Variants in UBE2L3 observed in about 807,000 individuals in gnomAD.
UBE2L3 encodes ubiquitin-conjugating enzyme E2 L3.
In UBE2L3, 1 loss-of-function variant was observed where a neutral mutation model predicts 17.8. The observed-to-expected ratio is 0.06, with a 90% CI of 0.02 to 0.27. The LOEUF (loss-of-function observed/expected upper bound fraction) is 0.27. Among genes scored for constraint, UBE2L3 ranks in the 10% least tolerant of loss-of-function variants. The probability of loss-of-function intolerance (pLI) is 1.00; values close to 1 mark genes in which losing one functional copy is unlikely to be tolerated. For missense variants in UBE2L3, 40 were observed against 192.6 expected, an observed-to-expected ratio of 0.21 and a Z score of 4.69; for synonymous variants, 44 against 68.5, an observed-to-expected ratio of 0.64 and a Z score of 1.76.
At chr22:21,593,037 T>C in intron 2 of UBE2L3, 81 bp downstream of exon 2, 1 of 1,242,420 alleles carries the variant, frequency 8.0e-7, no homozygotes, top group Non-Finnish European at 1.2e-6. Flanking sequence ...TTTCTGCTCC[T>C]TAGTAGGCTC....
At chr22:21,564,477 A>C (rs1333354731), upstream of UBE2L3, among the ~76,000 whole-genome samples, 1 of 152,176 alleles carries the variant, frequency 6.6e-6, no homozygotes, top group Non-Finnish European at 1.5e-5. Context: ...GAGGGACCCC[A>C]AAGGCCAGGC....
rs531097568 is a variant in UBE2L3, at chr22:21,572,588, G to A, written c.27+4817G>A. On this transcript the variant is annotated intron_variant, in intron 1 of 3. Transcript: ENST00000342192. Reference sequence around the variant, plus strand: ...CTCATTTTATTGGAACATTTATTACGTTTAAGATATTTCTATATTCTTTGC... The same window carrying A: ...CTCATTTTATTGGAACATTTATTACATTTAAGATATTTCTATATTCTTTGC... Among the ~76,000 whole-genome samples the A allele has an allele frequency of 4.6e-5, 7 of 152,162 alleles. No individual in the cohort carries two copies. The South Asian group carries it at 1.5e-3, about 32-fold the overall frequency.
In UBE2L3 at chr22:21,567,767, T is replaced by C; in HGVS notation, c.23T>C (p.Met8Thr). 3 of 1,584,264 alleles carry C rather than the reference T, an allele frequency of 1.9e-6. No individual in the cohort carries two copies. Among genetic ancestry groups the C allele is most frequent in the African/African-American group, 1.3e-5 (1 of 74,862 alleles). Residue 8 changes from methionine (M) to threonine (T), a missense_variant, in exon 1 of 4, where the codon ATG (methionine) becomes ACG (threonine). By Grantham distance (81) the Met-to-Thr change is moderately conservative. Coordinates refer to ENST00000342192, the MANE Select transcript of UBE2L3 (RefSeq NM_003347.4). ...AAGATGGCGGCCAGCAGGAGGCTGA[T>C]GAAGGTAAAAGCCATTCTCTGGCAG... is the stretch of plus-strand genomic sequence containing the variant. MAASRRL[M>T]KELEEIRKCG...
intron 1 of UBE2L3, among the ~76,000 whole-genome samples, chr22:21,582,944 C>T (rs1053907173): frequency 3.3e-5 from 5 of 152,128 alleles, no homozygotes; most frequent in Non-Finnish European, 5.9e-5. Context: ...TCCTAGATGG[C>T]GCCTAGGCAC....
chr22:21,621,411 AAATC>A, intron 3 of UBE2L3, 100 bp from the exon 4 acceptor site: 1 of 1,389,574 alleles, frequency 7.2e-7, no homozygotes, highest in South Asian at 1.6e-5. Context: ...CATTAGCTGT[AAATC>A]AGTTGTAAAG....
At chr22:21,562,894 G>A (rs1039631590), upstream of UBE2L3, among the ~76,000 whole-genome samples, 16 of 152,020 alleles carry the variant, frequency 1.1e-4, no homozygotes, top group South Asian at 2.5e-3. Context: ...ATAGCATGTG[G>A]TCAATGGGAG....
At chr22:21,565,754 CAAAAAAAA>C (rs131662), upstream of UBE2L3, among the ~76,000 whole-genome samples, 992 of 30,234 alleles carry the variant, frequency 0.033, 14 homozygotes, top group African/African-American at 0.1. Context: ...AACTGTGTCT[CAAAAAAAA>C]AAAAAAAAAA....
In UBE2L3 at chr22:21,599,068, C is replaced by T. The variant is rs574503093; in HGVS notation, c.123+6112C>T. On this transcript the variant is annotated intron_variant, in intron 2 of 3. Transcript: ENST00000342192. Reference sequence around the variant, plus strand: ...TGTTGGCCAGGCTGGTCTTGAACTCCTGGCCTCTTTCACCTTTTTGCAGTT... The same window carrying T: ...TGTTGGCCAGGCTGGTCTTGAACTCTTGGCCTCTTTCACCTTTTTGCAGTT... Among the ~76,000 whole-genome samples, 3 of 152,292 alleles carry T rather than the reference C, an allele frequency of 2.0e-5. No individual in the cohort carries two copies. In the South Asian group the frequency reaches 6.2e-4, roughly 32 times the overall value.
intron 1 of UBE2L3, among the ~76,000 whole-genome samples, chr22:21,556,403 G>A (rs1926226678): frequency 6.6e-6 from 1 of 152,198 alleles, no homozygotes; most frequent in Non-Finnish European, 1.5e-5. Flanking sequence ...TAAAAAAAAA[G>A]TAAAATAAAA....
intron 1 of UBE2L3, among the ~76,000 whole-genome samples, chr22:21,591,003 G>A (rs1034025024): frequency 6.6e-6 from 1 of 152,182 alleles, no homozygotes; most frequent in Non-Finnish European, 1.5e-5. Flanking sequence ...GGCAGTGTGG[G>A]TGTGAGATCT....
intron 1 of UBE2L3, among the ~76,000 whole-genome samples, chr22:21,571,648 C>T (rs1037875101): frequency 2.0e-5 from 3 of 152,148 alleles, no homozygotes; most frequent in Admixed American, 6.6e-5. Context: ...GTGATCTGCC[C>T]GCCGAGGCCT....
upstream of UBE2L3, among the ~76,000 whole-genome samples, chr22:21,565,247 C>G (rs1361215546): frequency 1.3e-5 from 2 of 151,834 alleles, no homozygotes; most frequent in Admixed American, 1.3e-4. Context: ...CGCCCGCCAC[C>G]ACGCCCGGCT....
intron 1 of UBE2L3, among the ~76,000 whole-genome samples, chr22:21,552,762 C>T (rs1287441440): frequency 2.0e-4 from 1 of 5,088 alleles, no homozygotes; most frequent in Admixed American, 2.4e-3. Context: ...CTCGCTCTGT[C>T]GCCCAGGCTG....
At chr22:21,600,244 T>C (rs1928782146) in intron 2 of UBE2L3, among the ~76,000 whole-genome samples, 1 of 150,814 alleles carries the variant, frequency 6.6e-6, no homozygotes, top group South Asian at 2.1e-4. Context: ...ACCGGGGAGG[T>C]GGAGGTTGCG....
At chr22:21,591,731 G>T (rs566858100) in intron 1 of UBE2L3, among the ~76,000 whole-genome samples, 1 of 152,298 alleles carries the variant, frequency 6.6e-6, no homozygotes, top group East Asian at 1.9e-4. Context: ...ACGTAAGGAG[G>T]TTCTGGAGGG....
At chr22:21,575,514 G>A (rs1233392026) in intron 1 of UBE2L3, among the ~76,000 whole-genome samples, 12 of 149,114 alleles carry the variant, frequency 8.0e-5, no homozygotes, top group Admixed American at 3.3e-4. Context: ...GCTTGAATCC[G>A]GGAGGCGGAG....
intron 3 of UBE2L3, 34 bp downstream of exon 3, chr22:21,611,077 G>GT (rs747999598): frequency 2.9e-5 from 45 of 1,542,902 alleles, no homozygotes; most frequent in Non-Finnish European, 3.9e-5. Context: ...CTCGGAGGGG[G>GT]TCTTTGGGGG....
chr22:21,580,355 C>T (rs991726218), intron 1 of UBE2L3, among the ~76,000 whole-genome samples: 1 of 152,200 alleles, frequency 6.6e-6, no homozygotes, highest in African/African-American at 2.4e-5. Context: ...GCAGAATGGC[C>T]TTATAATTGA....
intron 3 of UBE2L3, among the ~76,000 whole-genome samples, chr22:21,612,104 GTGGAGT>G: frequency 6.6e-6 from 1 of 152,264 alleles, no homozygotes; most frequent in South Asian, 2.1e-4. Context: ...GCCTTGGAAG[GTGGAGT>G]TCAAAGCCTT....
Sources: allele counts gnomAD v4.1 joint callset (sites outside exome capture counted in the v4.1 genomes callset), GRCh38; gene constraint gnomAD v4.1.1; transcripts MANE v1.5; gene names NCBI Gene and HGNC (gene_info 2026-07-23, HGNC 2026-07-21).